The following MTUS2 variants were observed in gnomAD, a reference collection of about 807,000 sequenced individuals.
The protein encoded by MTUS2 is microtubule associated scaffold protein 2.
MTUS2 carries 40 observed loss-of-function variants against 114.1 expected under a neutral mutation model. The observed-to-expected ratio is 0.35, with a 90% CI of 0.27 to 0.46. The LOEUF (loss-of-function observed/expected upper bound fraction) is 0.46. Among genes scored for constraint, MTUS2 ranks in the 20% least tolerant of loss-of-function variants. The pLI, the probability that MTUS2 is intolerant of heterozygous loss-of-function variation, is 1.00. For synonymous variants in MTUS2, 688 were observed against 672.0 expected (o/e 1.02, Z -0.37); for missense variants, 1,679 against 1,705.4 (o/e 0.98, Z 0.27).
chr13:29,066,216 A>G (rs115536759), intron 4 of MTUS2, among the ~76,000 whole-genome samples: 2,452 of 152,288 alleles, frequency 0.016, 56 homozygotes, highest in African/African-American at 0.056. Flanking sequence ...CTTCTCAGCC[A>G]GATGCTGTCT....
intron 7 of MTUS2, among the ~76,000 whole-genome samples, chr13:29,325,535 GAAGAA>G (rs1900465776): frequency 7.4e-6 from 1 of 135,698 alleles, no homozygotes; most frequent in Non-Finnish European, 1.6e-5. Context: ...GGAGGAAGGA[GAAGAA>G]AAGAAGAAGG....
intron 8 of MTUS2, among the ~76,000 whole-genome samples, chr13:29,391,414 CA>C (rs1171012922): frequency 2.0e-5 from 3 of 152,160 alleles, no homozygotes; most frequent in African/African-American, 7.2e-5. Flanking sequence ...GGATGTTCAC[CA>C]TGTAAATGGT....
chr13:28,954,113 T>C (rs1486687353), intron 2 of MTUS2, among the ~76,000 whole-genome samples: 1 of 152,244 alleles, frequency 6.6e-6, no homozygotes, highest in African/African-American at 2.4e-5. Context: ...ATATATCTAC[T>C]TTTTAAAAAT....
At chr13:29,000,515 A>G (rs1195985220) in intron 2 of MTUS2, among the ~76,000 whole-genome samples, 1 of 151,884 alleles carries the variant, frequency 6.6e-6, no homozygotes, top group Non-Finnish European at 1.5e-5. Context: ...GGTGCACGCC[A>G]CCACACCCGG....
intron 9 of MTUS2, among the ~76,000 whole-genome samples, chr13:29,441,189 C>A (rs557455635): frequency 6.6e-6 from 1 of 152,094 alleles, no homozygotes; most frequent in South Asian, 2.1e-4. Flanking sequence ...CACCCGGACA[C>A]CCCTTCTCCC....
At position 29,149,360 on chromosome 13, in the gene MTUS2, T is replaced by C. The variant is rs369495889; in HGVS notation, c.2644+48390T>C. Among the ~76,000 whole-genome samples, 19 of 152,356 alleles carry C rather than the reference T, an allele frequency of 1.2e-4. No homozygotes were observed. The South Asian group carries it at 3.7e-3, about 30-fold the overall frequency. ...GTCTGTTCATGTCCTTTGCCCACTT[T>C]TTAATGGGGTTGTTGTTTGTTTCTT... On this transcript the variant is annotated intron_variant, in intron 5 of 15. Coordinates refer to ENST00000612955, the MANE Select transcript of MTUS2 (RefSeq NM_001033602.4).
chr13:29,154,111 C>T (rs144792685), intron 5 of MTUS2, among the ~76,000 whole-genome samples: 2 of 152,268 alleles, frequency 1.3e-5, no homozygotes, highest in African/African-American at 4.8e-5. Flanking sequence ...CTTGCTGTCT[C>T]GTAGCTCACC....
At chr13:29,457,982 G>A (rs1406658037) in intron 9 of MTUS2, among the ~76,000 whole-genome samples, 1 of 152,140 alleles carries the variant, frequency 6.6e-6, no homozygotes, top group Non-Finnish European at 1.5e-5. Flanking sequence ...TTGATCTCCT[G>A]ACCTCATGAT....
At chr13:29,398,290 G>A (rs973825727) in intron 8 of MTUS2, among the ~76,000 whole-genome samples, 2 of 151,976 alleles carry the variant, frequency 1.3e-5, no homozygotes, top group East Asian at 1.9e-4. Context: ...GCGAAATCTC[G>A]TCTCTAGTAA....
chr13:29,232,312 A>ATG (rs1566080951), intron 5 of MTUS2, among the ~76,000 whole-genome samples: 25 of 149,088 alleles, frequency 1.7e-4, no homozygotes, highest in African/African-American at 2.7e-4. Context: ...GCGCGCACAC[A>ATG]CACACACACA....
rs115672593 is a variant in MTUS2, at chr13:29,266,311, G to A, written c.2645-15393G>A. Among the ~76,000 whole-genome samples, 337 of 152,254 alleles carry A rather than the reference G, an allele frequency of 2.2e-3. 1 individual carries two copies. Among genetic ancestry groups the A allele is most frequent in the African/African-American group, 7.3e-3 (304 of 41,568 alleles). ...AGAGGGATTAAGCAACTTGTCCAAA[G>A]TCAGACACAAGTAAGAGACAGAGCC... On this transcript the variant is annotated intron_variant, in intron 5 of 15. Coordinates refer to ENST00000612955, the MANE Select transcript of MTUS2 (RefSeq NM_001033602.4).
Position 29,026,523 on chromosome 13 carries a change from C to G in MTUS2, c.1825C>G (p.Pro609Ala). 2 of 1,613,992 alleles carry G rather than the reference C, an allele frequency of 1.2e-6. No individual in the cohort carries two copies. Among genetic ancestry groups the G allele is most frequent in the Non-Finnish European group, 1.7e-6 (2 of 1,179,890 alleles). The stretch of plus-strand genomic sequence containing the variant: ...TGTCTTCACACATTCCAAGGACACA[C>G]CTTCCTCGCAGGAGGGAATGGAGAA... ...KPVFTHSKDTPSSQEGMENYQ... is the reference protein window; with the variant it reads ...KPVFTHSKDTASSQEGMENYQ... The change falls in exon 3 of 16, where the codon CCT becomes GCT. Residue 609 changes from proline (P) to alanine (A), a missense_variant. Pro to Ala is a conservative substitution (Grantham distance 27, BLOSUM62 -1). Coordinates refer to ENST00000612955, the MANE Select transcript of MTUS2 (RefSeq NM_001033602.4).
rs1876755581 is a variant in MTUS2 at position 29,428,720 on chromosome 13, C to A, written c.3118-11263C>A. The A allele has an allele frequency of 2.7e-5, 42 of 1,535,726 alleles. 1 individual carries two copies. In the South Asian group the frequency reaches 4.6e-4, roughly 17 times the overall value. ...AGGAGAAATAAGGTAGCCAAGGGAA[C>A]CACATGGAAGTTGTGACAGCTCCCA... On this transcript the variant is annotated intron_variant, in intron 8 of 15. Transcript: ENST00000612955.
At chr13:28,905,324 T>C (rs1879924301) in intron 2 of MTUS2, among the ~76,000 whole-genome samples, 1 of 151,620 alleles carries the variant, frequency 6.6e-6, no homozygotes, top group African/African-American at 2.4e-5. Flanking sequence ...GGCATCCCTG[T>C]CTTGTGCCTC....
intron 2 of MTUS2, among the ~76,000 whole-genome samples, chr13:28,905,924 A>T (rs1437680007): frequency 1.3e-5 from 2 of 151,570 alleles, no homozygotes; most frequent in Non-Finnish European, 2.9e-5. Flanking sequence ...TATTGCCACA[A>T]TTTCAGAGCC....
intron 8 of MTUS2, among the ~76,000 whole-genome samples, chr13:29,373,204 A>G (rs982242313): frequency 5.3e-5 from 8 of 152,120 alleles, no homozygotes; most frequent in African/African-American, 1.7e-4. Flanking sequence ...ATTTCCCCAT[A>G]CCCTAATCTG....
chr13:29,487,317 T>A (rs1217401652), intron 10 of MTUS2, among the ~76,000 whole-genome samples: 1 of 152,220 alleles, frequency 6.6e-6, no homozygotes, highest in African/African-American at 2.4e-5. Context: ...CAGACAGACC[T>A]GGGTCTCACT....
chr13:29,487,766 C>T, intron 10 of MTUS2, 134 bp from the exon 11 acceptor site: 2 of 727,818 alleles, frequency 2.7e-6, no homozygotes, highest in Non-Finnish European at 4.8e-6. Flanking sequence ...CACCAAAGTC[C>T]AGCTCTCCTG....
At chr13:28,994,663 G>A (rs1885013390) in intron 2 of MTUS2, among the ~76,000 whole-genome samples, 1 of 152,238 alleles carries the variant, frequency 6.6e-6, no homozygotes, top group Non-Finnish European at 1.5e-5. Flanking sequence ...GATGGTGAAC[G>A]TTTTTTCATG....
Sources: gnomAD v4.1 joint callset for allele counts (sites outside exome capture counted in the v4.1 genomes callset) on GRCh38, gnomAD v4.1.1 for gene constraint, MANE v1.5 for transcripts, NCBI Gene and HGNC (gene_info 2026-07-23, HGNC 2026-07-21) for gene names.